The following RHOBTB1 variants were observed in gnomAD, a reference collection of about 807,000 sequenced individuals.
RHOBTB1 encodes the protein Rho related BTB domain containing 1.
In RHOBTB1, 40 loss-of-function variants were observed where a neutral mutation model predicts 71.6. The ratio of observed to expected loss-of-function variants is 0.56; its 90% CI spans 0.43 to 0.73. The LOEUF is 0.73. RHOBTB1 is among the 30% of genes least tolerant of loss of function. RHOBTB1 has a pLI of 0.00. For synonymous variants in RHOBTB1, 319 were observed against 334.9 expected, an observed-to-expected ratio of 0.95 and a Z score of 0.52; for missense variants, 797 against 894.0, an observed-to-expected ratio of 0.89 and a Z score of 1.38.
At chr10:60,961,723 G>A (rs1463067603) in intron 2 of RHOBTB1, among the ~76,000 whole-genome samples, 8 of 151,980 alleles carry the variant, frequency 5.3e-5, no homozygotes, top group Non-Finnish European at 1.0e-4. Context: ...GCTTTCACAA[G>A]CTATACATTC....
chr10:60,982,484 C>A (rs545946888), intron 2 of RHOBTB1, among the ~76,000 whole-genome samples: 34 of 152,210 alleles, frequency 2.2e-4, no homozygotes, highest in African/African-American at 7.2e-4. Context: ...ACCTTGATAC[C>A]ATTGATTTTG....
At chr10:60,947,033 C>A (rs1311585009), upstream of RHOBTB1, among the ~76,000 whole-genome samples, 1 of 152,166 alleles carries the variant, frequency 6.6e-6, no homozygotes, top group Non-Finnish European at 1.5e-5. Context: ...TACTATGCAG[C>A]CCCAAACTTT....
chr10:60,873,705 T>G (rs1170386559), intron 9 of RHOBTB1, among the ~76,000 whole-genome samples: 1 of 152,236 alleles, frequency 6.6e-6, no homozygotes, highest in Admixed American at 6.5e-5. Context: ...AAATTCCAAG[T>G]GTGAACAACC....
chr10:60,920,197 T>C (rs2083478302), intron 2 of RHOBTB1, among the ~76,000 whole-genome samples: 1 of 152,168 alleles, frequency 6.6e-6, no homozygotes, highest in Non-Finnish European at 1.5e-5. Flanking sequence ...AAGCACTGAA[T>C]GAGTGCCAGG....
At chr10:60,883,144 C>T (rs1376318726) in intron 7 of RHOBTB1, among the ~76,000 whole-genome samples, 1 of 152,180 alleles carries the variant, frequency 6.6e-6, no homozygotes, top group African/African-American at 2.4e-5. Context: ...TTTCAATATA[C>T]TGGCTAAAGG....
chr10:60,876,345 A>G (rs1267413796), intron 8 of RHOBTB1, among the ~76,000 whole-genome samples: 1 of 152,196 alleles, frequency 6.6e-6, no homozygotes, highest in African/African-American at 2.4e-5. Flanking sequence ...TTTAATAACT[A>G]AACTAAGTGT....
chr10:60,904,255 G>T (rs7087599), intron 4 of RHOBTB1, among the ~76,000 whole-genome samples: 120,861 of 151,880 alleles, frequency 0.8, 49,025 homozygotes, highest in East Asian at 0.95. Context: ...CCTATTTCTC[G>T]TCTTAAAGAA....
In RHOBTB1 at chr10:60,871,630, C is replaced by T. The variant is rs369287909; in HGVS notation, c.1943G>A (p.Arg648Gln). The change falls in exon 11 of 11, where the codon CGG becomes CAG. Residue 648 changes from arginine (R) to glutamine (Q), a missense_variant. By Grantham distance (43) the Arg-to-Gln change is conservative. This residue lies in a region of RHOBTB1 where 658 missense variants were observed against 681.5 expected (regional missense o/e 0.97). Transcript: ENST00000337910. ...GTACCACACAGGGGGCCAGCGGTGCCGCTCGAAGTATTCCTGGTTGTCTGG... is the reference window on the plus strand; with the variant it reads ...GTACCACACAGGGGGCCAGCGGTGCTGCTCGAAGTATTCCTGGTTGTCTGG... The part of the protein sequence containing the change: ...KSADNQEYFE[R>Q]HRWPPVWYLK... The T allele has an allele frequency of 3.3e-5, 53 of 1,613,890 alleles. No homozygotes were observed. Among genetic ancestry groups the T allele is most frequent in the African/African-American group, 3.1e-4 (23 of 75,020 alleles).
chr10:60,944,999 C>A (rs1417023561), upstream of RHOBTB1, among the ~76,000 whole-genome samples: 1 of 152,200 alleles, frequency 6.6e-6, no homozygotes, highest in Admixed American at 6.5e-5. Flanking sequence ...CATGCCTCCT[C>A]ACAGAAACTT....
intron 2 of RHOBTB1, among the ~76,000 whole-genome samples, chr10:60,958,841 T>A (rs2085683349): frequency 6.6e-6 from 1 of 152,106 alleles, no homozygotes; most frequent in African/African-American, 2.4e-5. Flanking sequence ...GCTCAAGTGA[T>A]CCTCCTGCCT....
In RHOBTB1 at chr10:60,878,046, T is replaced by A. The variant is rs749420885; in HGVS notation, c.1588A>T (p.Asn530Tyr). Residue 530 changes from asparagine to tyrosine, a missense_variant, in exon 8 of 11, where the codon AAC becomes TAC. By Grantham distance (143) the Asn-to-Tyr change is moderately radical. Around this residue, in one of 2 missense-constraint regions of RHOBTB1, gnomAD observed 658 missense variants for 681.5 expected, o/e 0.97. Transcript: ENST00000337910. ...GCTTGCATTGATATCTTGTTTATGT[T>A]CGGGAGATACACCTGAAATGTTATA... is the stretch of plus-strand genomic sequence containing the variant. The part of the protein sequence containing the change: ...ESANSEVYLP[N>Y]INKISMQAVL... The A allele has an allele frequency of 9.9e-6, 16 of 1,610,878 alleles. No homozygotes were observed. The highest frequency in any genetic ancestry group is 1.4e-5 in the Non-Finnish European group (16 of 1,179,038).
chr10:60,888,463 A>G lies in RHOBTB1; in HGVS notation c.1205T>C (p.Met402Thr). The G allele has an allele frequency of 6.2e-7, 1 of 1,614,218 alleles. No individual in the cohort carries two copies. The highest frequency in any genetic ancestry group is 1.1e-5 in the South Asian group (1 of 91,086). Residue 402 changes from methionine (M) to threonine (T), a missense_variant, in exon 6 of 11, where the codon ATG becomes ACG. By Grantham distance (81) the Met-to-Thr change is moderately conservative (BLOSUM62 -1). Transcript: ENST00000337910. Reference protein sequence around the residue: ...KRMGPMTVVRMDASVQPGPFR... With the variant: ...KRMGPMTVVRTDASVQPGPFR... The stretch of plus-strand genomic sequence containing the variant: ...AGGGCCTGGCTGGACTGAAGCGTCC[A>G]TCCTGACCACAGTCATGGGCCCCAT...
At chr10:60,875,303 G>A (rs2080999971) in intron 8 of RHOBTB1, among the ~76,000 whole-genome samples, 1 of 152,186 alleles carries the variant, frequency 6.6e-6, no homozygotes, top group Admixed American at 6.5e-5. Flanking sequence ...GTCCTGCAAT[G>A]TTCTGTGCAG....
chr10:60,875,351 A>C (rs1260388885), intron 8 of RHOBTB1, among the ~76,000 whole-genome samples: 2 of 152,174 alleles, frequency 1.3e-5, no homozygotes, highest in African/African-American at 4.8e-5. Context: ...ATTTAAACTT[A>C]AATTACTTAA....
At chr10:60,950,201 A>G (rs536514264) in intron 2 of RHOBTB1, among the ~76,000 whole-genome samples, 2 of 152,276 alleles carry the variant, frequency 1.3e-5, no homozygotes, top group Non-Finnish European at 2.9e-5. Context: ...GTATGTCACA[A>G]CTCTAGAAAA....
At chr10:60,955,283 C>T (rs996388284) in intron 2 of RHOBTB1, among the ~76,000 whole-genome samples, 8 of 152,032 alleles carry the variant, frequency 5.3e-5, no homozygotes, top group African/African-American at 9.6e-5. Flanking sequence ...TCTCGTGATC[C>T]GCCTGCTTCG....
At chr10:60,860,880 G>A in the RHOBTB1 span, among the ~76,000 whole-genome samples, 1 of 152,116 alleles carries the variant, frequency 6.6e-6, no homozygotes. Context: ...TTCATTTATT[G>A]TTGTATTGGT....
chr10:60,902,463 T>A (rs2133130111), intron 4 of RHOBTB1, among the ~76,000 whole-genome samples: 1 of 152,290 alleles, frequency 6.6e-6, no homozygotes. Flanking sequence ...CTTATAAAGA[T>A]CTTGAAAATG....
intron 10 of RHOBTB1, 72 bp from the exon 11 acceptor site, chr10:60,871,723 T>G: frequency 7.1e-7 from 1 of 1,410,078 alleles, no homozygotes; most frequent in Non-Finnish European, 9.7e-7. Flanking sequence ...GCCTTGAGCT[T>G]AAAGCTTCTC....
Sources: allele counts gnomAD v4.1 joint callset (sites outside exome capture counted in the v4.1 genomes callset), GRCh38; gene constraint gnomAD v4.1.1; regional missense constraint gnomAD v4.1.1; transcripts MANE v1.5; gene names NCBI Gene and HGNC (gene_info 2026-07-23, HGNC 2026-07-21).